EPHA5: variants seen among roughly 807,000 people sequenced by gnomAD.
EPHA5 encodes EPH receptor A5, also known as ephrin type-A receptor 5.
A neutral mutation model predicts 105.0 loss-of-function variants in EPHA5; 60 were observed. That is an observed-to-expected ratio of 0.57 (90% CI 0.46 to 0.71). The LOEUF (loss-of-function observed/expected upper bound fraction) is 0.71, where lower values mean the gene tolerates loss of function less well. Among genes scored for constraint, EPHA5 ranks in the 30% least tolerant of loss-of-function variants. EPHA5 has a pLI of 0.00. For missense variants in EPHA5, 1,218 were observed against 1,274.7 expected, an observed-to-expected ratio of 0.96 and a Z score of 0.68; for synonymous variants, 513 against 449.1, an observed-to-expected ratio of 1.14 and a Z score of -1.80.
At chr4:65,494,208 C>T (rs1294142486) in intron 4 of EPHA5, among the ~76,000 whole-genome samples, 2 of 152,118 alleles carry the variant, frequency 1.3e-5, no homozygotes, top group Non-Finnish European at 2.9e-5. Context: ...TAATTAATAG[C>T]AATGATTTAA....
chr4:65,492,174 G>T (rs564670925), intron 4 of EPHA5, among the ~76,000 whole-genome samples: 12 of 151,984 alleles, frequency 7.9e-5, no homozygotes, highest in African/African-American at 2.2e-4. Flanking sequence ...AAGCTAATTG[G>T]CATTTAAGAT....
intron 5 of EPHA5, among the ~76,000 whole-genome samples, chr4:65,422,273 G>A (rs1022141889): frequency 5.9e-5 from 9 of 152,052 alleles, no homozygotes; most frequent in Non-Finnish European, 8.8e-5. Flanking sequence ...TGAAAGTGGG[G>A]ATGCTGACAA....
chr4:65,584,367 A>G (rs1263300125), intron 3 of EPHA5, among the ~76,000 whole-genome samples: 1 of 151,898 alleles, frequency 6.6e-6, no homozygotes, highest in Non-Finnish European at 1.5e-5. Context: ...ATTTAAATAT[A>G]TTTTTAAAAT....
At chr4:65,336,329 G>A (rs1001609034) in intron 14 of EPHA5, among the ~76,000 whole-genome samples, 1 of 151,856 alleles carries the variant, frequency 6.6e-6, no homozygotes, top group Admixed American at 6.6e-5. Flanking sequence ...AATATAAAAA[G>A]ATAGGCTTTC....
chr4:65,640,291 T>C (rs916995689), intron 2 of EPHA5, among the ~76,000 whole-genome samples: 7 of 139,324 alleles, frequency 5.0e-5, no homozygotes, highest in Non-Finnish European at 7.8e-5. Flanking sequence ...TCTTTTTTTT[T>C]TTTTTTTTTT....
chr4:65,434,493 A>G (rs1403833791), intron 5 of EPHA5, among the ~76,000 whole-genome samples: 1 of 152,190 alleles, frequency 6.6e-6, no homozygotes, highest in Non-Finnish European at 1.5e-5. Context: ...TATTTTAGGT[A>G]TACATATCCA....
At chr4:65,618,773 T>C (rs1407972463) in intron 2 of EPHA5, among the ~76,000 whole-genome samples, 1 of 152,202 alleles carries the variant, frequency 6.6e-6, no homozygotes, top group Non-Finnish European at 1.5e-5. Context: ...TTGGAGACAT[T>C]CCATTCATAA....
chr4:65,548,231 A>G (rs1056024454), intron 3 of EPHA5, among the ~76,000 whole-genome samples: 2 of 60,300 alleles, frequency 3.3e-5, no homozygotes, highest in African/African-American at 1.2e-4. Flanking sequence ...TGCAAGAATA[A>G]GATTTTTTCA....
At chr4:65,431,373 T>C (rs941008185) in intron 5 of EPHA5, among the ~76,000 whole-genome samples, 1 of 152,154 alleles carries the variant, frequency 6.6e-6, no homozygotes, top group African/African-American at 2.4e-5. Flanking sequence ...ACTTTGATAC[T>C]TCACGATTAA....
At chr4:65,570,453 C>T (rs1482214732) in intron 3 of EPHA5, among the ~76,000 whole-genome samples, 1 of 151,094 alleles carries the variant, frequency 6.6e-6, no homozygotes, top group East Asian at 2.0e-4. Context: ...TTCTTCCCCA[C>T]CTCCCCCCAC....
At chr4:65,541,801 G>A (rs1736863742) in intron 3 of EPHA5, among the ~76,000 whole-genome samples, 1 of 151,938 alleles carries the variant, frequency 6.6e-6, no homozygotes, top group African/African-American at 2.4e-5. Flanking sequence ...ATTCTTCTCA[G>A]TGCCACATGG....
chr4:65,463,870 T>C (rs1035561193), intron 5 of EPHA5, among the ~76,000 whole-genome samples: 63 of 152,084 alleles, frequency 4.1e-4, no homozygotes, highest in Non-Finnish European at 6.6e-4. Context: ...TTTAAAACTA[T>C]AGTCAAAACT....
At chr4:65,466,652 C>G (rs1418280777) in intron 5 of EPHA5, among the ~76,000 whole-genome samples, 1 of 152,112 alleles carries the variant, frequency 6.6e-6, no homozygotes, top group Non-Finnish European at 1.5e-5. Flanking sequence ...GGATGACAAA[C>G]TACTGAATTA....
At chr4:65,527,846 T>C (rs749910217) in intron 3 of EPHA5, among the ~76,000 whole-genome samples, 17 of 151,954 alleles carry the variant, frequency 1.1e-4, no homozygotes, top group Non-Finnish European at 1.9e-4. Context: ...CTCCTCCCAT[T>C]CTCCACTCTC....
At chr4:65,373,903 TAAGAAATG>T (rs1718735363) in intron 8 of EPHA5, among the ~76,000 whole-genome samples, 1 of 151,692 alleles carries the variant, frequency 6.6e-6, no homozygotes. Flanking sequence ...AATTTGAATT[TAAGAAATG>T]CAAGAAATGG....
rs550528861 is a variant in EPHA5, at chr4:65,330,892, C to T, written c.2945+1081G>A. 6.8e-5 allele frequency: 70 copies of T among 1,036,978 alleles called. 1 individual carries two copies. In the African/African-American group the frequency reaches 9.9e-4, roughly 15 times the overall value. 64.2% of individuals were successfully genotyped at this position (1,036,978 alleles called of 1,614,324 possible). On this transcript the variant is annotated intron_variant, in intron 16 of 16. Coordinates refer to ENST00000613740, the MANE Select transcript of EPHA5 (RefSeq NM_001281766.3). Reference sequence around the variant, plus strand: ...GCAAGCTGAGTGGTTGGTTTCAGGTCCTTTTAGTTATCGGTATGAAGGAAG... The same window carrying T: ...GCAAGCTGAGTGGTTGGTTTCAGGTTCTTTTAGTTATCGGTATGAAGGAAG...
intron 1 of EPHA5, among the ~76,000 whole-genome samples, chr4:65,663,805 G>T (rs545273858): frequency 6.6e-6 from 1 of 151,882 alleles, no homozygotes; most frequent in East Asian, 1.9e-4. Context: ...ATTCTATAGG[G>T]TCAAAAGAAA....
chr4:65,580,191 G>T (rs1741477893), intron 3 of EPHA5, among the ~76,000 whole-genome samples: 1 of 151,694 alleles, frequency 6.6e-6, no homozygotes, highest in South Asian at 2.1e-4. Flanking sequence ...AAATGTTTAA[G>T]GACTCATTAA....
intron 3 of EPHA5, among the ~76,000 whole-genome samples, chr4:65,594,284 T>G (rs1230749552): frequency 6.6e-6 from 1 of 152,166 alleles, no homozygotes; most frequent in Non-Finnish European, 1.5e-5. Context: ...ATGTTTATTA[T>G]TAAGAGGTGT....
Sources: allele counts gnomAD v4.1 joint callset (sites outside exome capture counted in the v4.1 genomes callset), GRCh38; gene constraint gnomAD v4.1.1; transcripts MANE v1.5; gene names NCBI Gene and HGNC (gene_info 2026-07-23, HGNC 2026-07-21).